ARPC1A: variants seen among roughly 807,000 people sequenced by gnomAD.
ARPC1A encodes actin related protein 2/3 complex subunit 1A, also known as actin-related protein 2/3 complex subunit 1A.
ARPC1A carries 8 observed loss-of-function variants against 46.9 expected under a neutral mutation model. The ratio of observed to expected loss-of-function variants is 0.17; its 90% CI spans 0.10 to 0.31. The LOEUF (loss-of-function observed/expected upper bound fraction) is 0.31, where lower values mean the gene tolerates loss of function less well. Ranked by LOEUF, ARPC1A falls within the 10% of genes least tolerant of loss-of-function variation. The pLI is 1.00. For synonymous variants in ARPC1A, 152 were observed against 169.0 expected (o/e 0.90, Z 0.78); for missense variants, 286 against 483.6 (o/e 0.59, Z 3.83).
rs1364644425 is a variant in ARPC1A at position 99,333,281 on chromosome 7, T to C, written c.-29-44T>C. 7.0e-6 allele frequency: 9 copies of C among 1,287,494 alleles called. No individual in the cohort carries two copies. The Admixed American group carries it at 7.3e-5, about 10-fold the overall frequency. The allele number at this position is 1,287,494 out of a possible 1,614,324, so 79.8% of individuals were successfully genotyped here. ...GCAACTTAAACATTGGTTACTTGCC[T>C]TTTCCCTATTGTATAAAATGCTTTT... On this transcript the variant is annotated intron_variant, in intron 1 of 9. Transcript: ENST00000262942.
chr7:99,349,018 A>G (rs1793507106), intron 5 of ARPC1A, 59 bp downstream of exon 5: 2 of 1,465,670 alleles, frequency 1.4e-6, no homozygotes, highest in South Asian at 2.3e-5. Context: ...TTCAACAAAT[A>G]ATTTTAGGTT....
At chr7:99,365,277 C>T (rs1294931134) in intron 9 of ARPC1A, among the ~76,000 whole-genome samples, 1 of 151,780 alleles carries the variant, frequency 6.6e-6, no homozygotes, top group Non-Finnish European at 1.5e-5. Flanking sequence ...CATAGCGTGA[C>T]CCCATCTCTA....
chr7:99,338,346 G>A, intron 3 of ARPC1A, 61 bp downstream of exon 3: 5 of 947,308 alleles, frequency 5.3e-6, no homozygotes, highest in South Asian at 1.7e-5. Context: ...CTTCCTTTTA[G>A]ATAAAGAGCC....
intron 6 of ARPC1A, among the ~76,000 whole-genome samples, chr7:99,354,527 A>C (rs924353509): frequency 8.4e-4 from 127 of 151,366 alleles, no homozygotes; most frequent in Middle Eastern, 3.4e-3. Context: ...TCTCAAAAAA[A>C]AAAAAAAAAA....
intron 4 of ARPC1A, among the ~76,000 whole-genome samples, chr7:99,347,373 C>G (rs948514043): frequency 1.3e-5 from 2 of 152,118 alleles, no homozygotes; most frequent in Non-Finnish European, 2.9e-5. Flanking sequence ...ACCTGGCTGT[C>G]TTTTTCAGAA....
chr7:99,347,574 G>A (rs112400179), intron 4 of ARPC1A, among the ~76,000 whole-genome samples: 1,642 of 152,126 alleles, frequency 0.011, 26 homozygotes, highest in African/African-American at 0.038. Flanking sequence ...GCGTGGTGGC[G>A]TGAGCCTATA....
At chr7:99,337,836 A>G (rs2150861856) in intron 2 of ARPC1A, among the ~76,000 whole-genome samples, 2 of 152,342 alleles carry the variant, frequency 1.3e-5, no homozygotes, top group Admixed American at 1.3e-4. Context: ...AATATTGCAC[A>G]GGTGAATGAA....
At chr7:99,348,526 G>C (rs946907683) in intron 4 of ARPC1A, among the ~76,000 whole-genome samples, 6 of 152,140 alleles carry the variant, frequency 3.9e-5, no homozygotes, top group Admixed American at 3.3e-4. Context: ...GGGCAACATG[G>C]AGAAATCTCA....
At chr7:99,338,378 AT>A (rs754747240) in intron 3 of ARPC1A, 93 bp downstream of exon 3, 22,488 of 241,870 alleles carry the variant, frequency 0.093, no homozygotes, top group South Asian at 0.13. Flanking sequence ...GGTGGCCATA[AT>A]TTTTTTTTTT....
At position 99,359,537 on chromosome 7, in the gene ARPC1A, T is replaced by C. The variant is rs373536333; in HGVS notation, c.790-8T>C. On this transcript the variant is annotated splice_polypyrimidine_tract_variant and splice_region_variant and intron_variant, in intron 7 of 9. Coordinates refer to ENST00000262942, the MANE Select transcript of ARPC1A (RefSeq NM_006409.4). ...CATCCTCCAGGGACTGACTGAGTCTTGTTTCAGGGCCATGACTGCTGCCCA... is the reference window on the plus strand; with the variant it reads ...CATCCTCCAGGGACTGACTGAGTCTCGTTTCAGGGCCATGACTGCTGCCCA... The C allele has an allele frequency of 7.4e-6, 12 of 1,613,608 alleles. No homozygotes were observed. The African/African-American group carries it at 1.6e-4, about 22-fold the overall frequency.
At chr7:99,348,993 G>A (rs746097314) in intron 5 of ARPC1A, 34 bp downstream of exon 5, 14 of 1,538,602 alleles carry the variant, frequency 9.1e-6, no homozygotes, top group Admixed American at 3.5e-5. Flanking sequence ...AACTTGAGCC[G>A]TGCATTCTTC....
chr7:99,361,399 G>T (rs529312228), intron 8 of ARPC1A, among the ~76,000 whole-genome samples: 1 of 151,552 alleles, frequency 6.6e-6, no homozygotes, highest in South Asian at 2.1e-4. Flanking sequence ...AGCTACTTGG[G>T]AGGAGTGAGC....
chr7:99,359,610 G>A lies in ARPC1A; in HGVS notation c.855G>A (p.Lys285=). ...DDRGCLTFVS[K]LDIPKQSIQR... ...GCGGCTGCCTGACCTTCGTCTCCAA[G>A]TTAGATATTCCAAAACAGAGCATCC... The change falls in exon 8 of 10, where the codon AAG becomes AAA. Residue 285 remains lysine (K), a synonymous_variant. Coordinates refer to ENST00000262942, the MANE Select transcript of ARPC1A (RefSeq NM_006409.4). 10 of 1,614,122 alleles carry A rather than the reference G, an allele frequency of 6.2e-6. No individual in the cohort carries two copies. The highest frequency in any genetic ancestry group is 8.5e-6 in the Non-Finnish European group (10 of 1,180,038).
intron 9 of ARPC1A, among the ~76,000 whole-genome samples, chr7:99,364,925 CAG>C (rs768963233): frequency 7.0e-4 from 106 of 152,192 alleles, no homozygotes; most frequent in Non-Finnish European, 2.4e-4. Flanking sequence ...TGTTTTCACA[CAG>C]AGGAATCTAG....
At chr7:99,363,730 A>G in intron 9 of ARPC1A, 97 bp downstream of exon 9, 1 of 890,530 alleles carries the variant, frequency 1.1e-6, no homozygotes, top group South Asian at 1.7e-5. Flanking sequence ...GGTTGGAGTA[A>G]GTGGCACAAT....
At chr7:99,346,816 A>G (rs1793460060) in intron 4 of ARPC1A, among the ~76,000 whole-genome samples, 1 of 152,144 alleles carries the variant, frequency 6.6e-6, no homozygotes, top group African/African-American at 2.4e-5. Flanking sequence ...CATCTCTACT[A>G]AAAATACAAA....
intron 6 of ARPC1A, among the ~76,000 whole-genome samples, chr7:99,357,139 G>C (rs974252413): frequency 1.1e-4 from 16 of 151,978 alleles, no homozygotes; most frequent in Admixed American, 1.0e-3. Flanking sequence ...TAAGTTCTTA[G>C]CATACACTTA....
chr7:99,337,375 C>T (rs987924218), intron 2 of ARPC1A, among the ~76,000 whole-genome samples: 2 of 152,098 alleles, frequency 1.3e-5, no homozygotes, highest in Non-Finnish European at 2.9e-5. Context: ...AAGCCAAGAT[C>T]GCGCCATTGC....
chr7:99,327,726 C>G (rs958099258), intron 1 of ARPC1A, among the ~76,000 whole-genome samples: 1 of 151,968 alleles, frequency 6.6e-6, no homozygotes, highest in Non-Finnish European at 1.5e-5. Flanking sequence ...ATTTTGGACG[C>G]GGAGTGGTGA....
Sources: gnomAD v4.1 joint callset for allele counts (sites outside exome capture counted in the v4.1 genomes callset) on GRCh38, gnomAD v4.1.1 for gene constraint, MANE v1.5 for transcripts, NCBI Gene and HGNC (gene_info 2026-07-23, HGNC 2026-07-21) for gene names.